BRWD3: variants seen among roughly 807,000 people sequenced by gnomAD.
BRWD3 encodes bromodomain and WD repeat-containing protein 3.
A neutral mutation model predicts 149.7 loss-of-function variants in BRWD3; 10 were observed. The ratio of observed to expected loss-of-function variants is 0.07; its 90% CI spans 0.04 to 0.11. The LOEUF (loss-of-function observed/expected upper bound fraction) is 0.11. Ranked by LOEUF, BRWD3 falls within the 10% of genes least tolerant of loss-of-function variation. The pLI is 1.00. For synonymous variants in BRWD3, 504 were observed against 456.7 expected, an observed-to-expected ratio of 1.10 and a Z score of -1.32; for missense variants, 940 against 1,373.2, an observed-to-expected ratio of 0.68 and a Z score of 4.99.
At chrX:80,681,257 T>C (rs1164408081) in intron 40 of BRWD3, 84 bp downstream of exon 40, 4 of 1,013,897 alleles carry the variant, frequency 3.9e-6, no homozygotes, top group East Asian at 3.1e-5. Context: ...GTTTTTAGTA[T>C]GTCAACATGT....
chrX:80,754,646 A>C (rs1357790992), intron 6 of BRWD3, among the ~76,000 whole-genome samples: 2 of 112,175 alleles, frequency 1.8e-5, no homozygotes, highest in Non-Finnish European at 3.8e-5. Context: ...TAGGTTTATC[A>C]TACATGCCCT....
rs745624208 is a variant in BRWD3, at chrX:80,709,437, ACTGT to A, written c.2462_2465del (p.Asp821ValfsTer16). 8.3e-7 allele frequency: 1 copy of A among 1,207,778 alleles called. No homozygotes were observed. Among genetic ancestry groups the A allele is most frequent in the Admixed American group, 2.2e-5 (1 of 46,011 alleles). ...ATAGTATATATATAACCTCTGAAGA[ACTGT>A]CTGAGTCTTCCTGTACACCTGAATT... On this transcript the variant is annotated frameshift_variant, in exon 21 of 41. Coordinates refer to ENST00000373275, the MANE Select transcript of BRWD3 (RefSeq NM_153252.5). LOFTEE classifies it high-confidence loss of function.
intron 17 of BRWD3, among the ~76,000 whole-genome samples, chrX:80,721,993 T>C (rs1432229870): frequency 9.0e-6 from 1 of 111,466 alleles, no homozygotes; most frequent in Non-Finnish European, 1.9e-5. Context: ...ATTACAGCCG[T>C]GCACCAACAC....
chrX:80,684,440 T>C (rs2072494853), intron 36 of BRWD3, among the ~76,000 whole-genome samples: 1 of 111,962 alleles, frequency 8.9e-6, no homozygotes, highest in Non-Finnish European at 1.9e-5. Flanking sequence ...CTCTACAGCT[T>C]CCATGTCTTG....
intron 7 of BRWD3, among the ~76,000 whole-genome samples, chrX:80,745,172 ACTAT>A (rs1183364446): frequency 1.8e-5 from 2 of 111,351 alleles, no homozygotes; most frequent in Non-Finnish European, 3.8e-5. Flanking sequence ...GTGTAGTTCA[ACTAT>A]CTAATCAAAA....
rs762781290 is a variant in BRWD3, at chrX:80,728,739, A to C, written c.1386+13T>G. On this transcript the variant is annotated intron_variant, in intron 14 of 40. Coordinates refer to ENST00000373275, the MANE Select transcript of BRWD3 (RefSeq NM_153252.5). ...TTTGACCATTTTAATTACTCTAAAA[A>C]TAAAATACTTACAGATAATGTATGA... The C allele has an allele frequency of 4.2e-6, 5 of 1,183,525 alleles. No individual in the cohort carries two copies. Among genetic ancestry groups the C allele is most frequent in the Non-Finnish European group, 5.7e-6 (5 of 875,380 alleles).
At chrX:80,728,402 T>C (rs2147766834) in intron 14 of BRWD3, among the ~76,000 whole-genome samples, 1 of 111,487 alleles carries the variant, frequency 9.0e-6, no homozygotes, top group East Asian at 2.8e-4. Context: ...CTATGTAGGA[T>C]ACCCTTGTTG....
At chrX:80,729,287 T>G (rs1157482560) in intron 13 of BRWD3, among the ~76,000 whole-genome samples, 1 of 111,684 alleles carries the variant, frequency 9.0e-6, no homozygotes, top group Non-Finnish European at 1.9e-5. Context: ...CCCATAGGTC[T>G]TATAAAAAAG....
At chrX:80,790,221 T>C (rs1366812423) in intron 6 of BRWD3, among the ~76,000 whole-genome samples, 1 of 90,534 alleles carries the variant, frequency 1.1e-5, no homozygotes, top group South Asian at 5.2e-4. Context: ...AAAAAAAAGA[T>C]ATACCTTCAT....
intron 8 of BRWD3, among the ~76,000 whole-genome samples, chrX:80,741,369 T>C (rs1374222530): frequency 1.8e-5 from 2 of 111,985 alleles, no homozygotes; most frequent in African/African-American, 6.5e-5. Flanking sequence ...GCAATAAACA[T>C]CTGTGTGCGT....
chrX:80,754,264 T>G (rs993761220), intron 6 of BRWD3, among the ~76,000 whole-genome samples: 1 of 111,690 alleles, frequency 9.0e-6, no homozygotes, highest in African/African-American at 3.3e-5. Flanking sequence ...TTTTGGGGGT[T>G]TTTTTGTAGC....
At chrX:80,719,770 AAAAT>A in intron 17 of BRWD3, 114 bp from the exon 18 acceptor site, 3 of 717,931 alleles carry the variant, frequency 4.2e-6, no homozygotes, top group Non-Finnish European at 6.4e-6. Flanking sequence ...CATTAAACGT[AAAAT>A]AAAGTATATA....
intron 16 of BRWD3, among the ~76,000 whole-genome samples, chrX:80,723,225 C>T (rs2147754913): frequency 9.0e-6 from 1 of 111,178 alleles, no homozygotes; most frequent in South Asian, 3.8e-4. Flanking sequence ...GATATTAATG[C>T]AATTATTGAG....
chrX:80,687,977 T>C, intron 34 of BRWD3, 92 bp downstream of exon 34: 1 of 667,479 alleles, frequency 1.5e-6, no homozygotes, highest in Non-Finnish European at 2.5e-6. Flanking sequence ...AGAATCCTTC[T>C]AGCAATTCTC....
At chrX:80,681,578 T>C (rs1219555025) in intron 39 of BRWD3, 79 bp from the exon 40 acceptor site, 3 of 769,801 alleles carry the variant, frequency 3.9e-6, no homozygotes, top group Admixed American at 2.6e-5. Flanking sequence ...TTTGAAACCA[T>C]ATCTCTGTTA....
intron 6 of BRWD3, among the ~76,000 whole-genome samples, chrX:80,747,884 A>T (rs755519660): frequency 7.2e-5 from 8 of 111,419 alleles, no homozygotes; most frequent in Non-Finnish European, 1.3e-4. Flanking sequence ...AAAACAGAAA[A>T]TTTCACTCCT....
At position 80,802,885 on chromosome X, in the gene BRWD3, C is replaced by G. The variant is rs1049003731; in HGVS notation, c.180+5654G>C. On this transcript the variant is annotated intron_variant, in intron 4 of 40. Transcript: ENST00000373275. ...CTTTGGGAGGCCGAGGCAGGCAGATCACGAGGTCAGGAGATCGAGACCATC... is the reference window on the plus strand; with the variant it reads ...CTTTGGGAGGCCGAGGCAGGCAGATGACGAGGTCAGGAGATCGAGACCATC... Among the ~76,000 whole-genome samples the G allele has an allele frequency of 2.7e-5, 3 of 110,930 alleles. No individual in the cohort carries two copies. The East Asian group carries it at 8.6e-4, about 32-fold the overall frequency.
intron 24 of BRWD3, 135 bp from the exon 25 acceptor site, chrX:80,700,199 G>A: frequency 2.0e-6 from 1 of 503,031 alleles, no homozygotes; most frequent in Non-Finnish European, 3.3e-6. Flanking sequence ...ATACAATAAA[G>A]GTTTCAAATG....
At chrX:80,697,192 A>G (rs901897480) in intron 25 of BRWD3, among the ~76,000 whole-genome samples, 10 of 111,549 alleles carry the variant, frequency 9.0e-5, no homozygotes, top group African/African-American at 3.3e-4. Context: ...CTAGTGCAGT[A>G]TGATGCTCTG....
Sources: allele counts gnomAD v4.1 joint callset (sites outside exome capture counted in the v4.1 genomes callset), GRCh38; gene constraint gnomAD v4.1.1; transcripts MANE v1.5; gene names NCBI Gene and HGNC (gene_info 2026-07-23, HGNC 2026-07-21).